AMBP: variants seen among roughly 807,000 people sequenced by gnomAD.
AMBP encodes alpha-1-microglobulin/bikunin precursor.
AMBP carries 37 observed loss-of-function variants against 46.3 expected under a neutral mutation model. The observed-to-expected ratio is 0.80, with a 90% CI of 0.61 to 1.05. The LOEUF (loss-of-function observed/expected upper bound fraction) is 1.05. Among genes scored for constraint, AMBP ranks in the 50% least tolerant of loss-of-function variants. The pLI, the probability that AMBP is intolerant of heterozygous loss-of-function variation, is 0.00. For missense variants in AMBP, 475 were observed against 461.2 expected (o/e 1.03, Z -0.27); for synonymous variants, 174 against 175.9 (o/e 0.99, Z 0.09).
intron 1 of AMBP, 151 bp from the exon 2 acceptor site, chr9:114,076,891 A>C (rs1468833339): frequency 9.7e-7 from 1 of 1,034,576 alleles, no homozygotes; most frequent in Non-Finnish European, 1.4e-6. Flanking sequence ...TCTTACAACT[A>C]ATCAGAGGCC....
intron 2 of AMBP, among the ~76,000 whole-genome samples, 191 bp from the exon 3 acceptor site, chr9:114,075,227 G>A (rs1472571070): frequency 6.6e-6 from 1 of 152,182 alleles, no homozygotes; most frequent in Non-Finnish European, 1.5e-5. Flanking sequence ...AGCCCTGAGA[G>A]ACCCCCATTT....
intron 4 of AMBP, among the ~76,000 whole-genome samples, chr9:114,073,250 C>CTT (rs140782864): frequency 6.2e-5 from 9 of 145,946 alleles, no homozygotes; most frequent in East Asian, 4.0e-4. Context: ...GACTCTTCCC[C>CTT]TTTTTTTTTT....
At position 114,060,941 on chromosome 9, in the gene AMBP, G is replaced by A. The variant is rs765085621; in HGVS notation, c.1011C>T (p.Cys337=). The A allele has an allele frequency of 2.2e-5, 36 of 1,613,904 alleles. No individual in the cohort carries two copies. The East Asian group carries it at 4.5e-4, about 20-fold the overall frequency. ...GCTGCCTACCATCACCAGGGACACC[G>A]CAGTACTCTCTGCACTCCTTCTCTG... ...FYSEKECREY[C]GVPGDGDEEL... is the part of the protein sequence containing the mutation. The change falls in exon 9 of 10, where the codon TGC becomes TGT. Residue 337 remains cysteine (C), a synonymous_variant. Coordinates refer to ENST00000265132, the MANE Select transcript of AMBP (RefSeq NM_001633.4).
At chr9:114,074,877 T>TTG in intron 3 of AMBP, 83 bp downstream of exon 3, 1 of 1,246,468 alleles carries the variant, frequency 8.0e-7, no homozygotes, top group East Asian at 2.3e-5. Context: ...GGAGGAAAGG[T>TTG]TACAGAGGCA....
intron 8 of AMBP, 108 bp downstream of exon 8, chr9:114,061,316 T>A (rs763525724): frequency 5.4e-5 from 83 of 1,543,060 alleles, no homozygotes; most frequent in Non-Finnish European, 4.4e-5. Context: ...CCTGGAGTTC[T>A]ACCACTGGAA....
chr9:114,075,996 G>A (rs1294430880), intron 2 of AMBP, among the ~76,000 whole-genome samples: 4 of 152,120 alleles, frequency 2.6e-5, no homozygotes, highest in Non-Finnish European at 5.9e-5. Context: ...CTGGGTGCTG[G>A]GAGGGTCCTG....
intron 5 of AMBP, among the ~76,000 whole-genome samples, chr9:114,070,175 C>T (rs562811012): frequency 7.0e-4 from 107 of 152,312 alleles, no homozygotes; most frequent in African/African-American, 2.5e-3. Flanking sequence ...CAGCTCAGTT[C>T]GAACCCAGGT....
chr9:114,064,462 T>C (rs1588488410), intron 6 of AMBP, among the ~76,000 whole-genome samples: 1 of 152,004 alleles, frequency 6.6e-6, no homozygotes. Context: ...AAAACAGGTA[T>C]GGGGAAAAAT....
chr9:114,065,195 C>T (rs906681537), intron 6 of AMBP, among the ~76,000 whole-genome samples: 8 of 144,390 alleles, frequency 5.5e-5, no homozygotes, highest in Non-Finnish European at 1.0e-4. Flanking sequence ...GGGGTCCTAA[C>T]CCCCCAGAAC....
chr9:114,068,545 G>A (rs987208114), intron 6 of AMBP, among the ~76,000 whole-genome samples: 16 of 151,936 alleles, frequency 1.1e-4, no homozygotes, highest in Admixed American at 2.6e-4. Context: ...GGCGGAGGTT[G>A]AAGTGAGCCA....
At chr9:114,067,183 C>T (rs993312372) in intron 6 of AMBP, among the ~76,000 whole-genome samples, 1 of 152,136 alleles carries the variant, frequency 6.6e-6, no homozygotes, top group Non-Finnish European at 1.5e-5. Flanking sequence ...TCTTGATCTG[C>T]CCGCCTCACC....
intron 1 of AMBP, 87 bp downstream of exon 1, chr9:114,078,006 G>T: frequency 7.4e-7 from 1 of 1,343,200 alleles, no homozygotes; most frequent in Non-Finnish European, 1.1e-6. Flanking sequence ...CTGAGACCCC[G>T]AGACAGGCCG....
intron 8 of AMBP, 70 bp downstream of exon 8, chr9:114,061,354 C>A (rs754303370): frequency 6.2e-7 from 1 of 1,602,254 alleles, no homozygotes; most frequent in Non-Finnish European, 8.5e-7. Flanking sequence ...CTTTTCAATT[C>A]GCAGGTGGTT....
At chr9:114,069,818 A>G (rs1846726341) in intron 5 of AMBP, 73 bp from the exon 6 acceptor site, 2 of 1,501,388 alleles carry the variant, frequency 1.3e-6, no homozygotes, top group Non-Finnish European at 1.9e-6. Context: ...CCGGATTTGT[A>G]TCTTTGGTGA....
At chr9:114,063,609 A>G (rs1445399041) in intron 6 of AMBP, among the ~76,000 whole-genome samples, 1 of 152,222 alleles carries the variant, frequency 6.6e-6, no homozygotes, top group African/African-American at 2.4e-5. Context: ...TAAATGGGAG[A>G]TATTCTGGAT....
At chr9:114,070,626 C>G (rs1002732263) in intron 5 of AMBP, among the ~76,000 whole-genome samples, 5 of 152,206 alleles carry the variant, frequency 3.3e-5, no homozygotes, top group African/African-American at 1.2e-4. Flanking sequence ...GCTGCACTTG[C>G]ACACAGAGCA....
chr9:114,064,402 T>A (rs12341428), intron 6 of AMBP, among the ~76,000 whole-genome samples: 3,293 of 152,066 alleles, frequency 0.022, 119 homozygotes, highest in African/African-American at 0.071. Context: ...ACAATTTTTT[T>A]TAAAAAAAAT....
intron 3 of AMBP, among the ~76,000 whole-genome samples, chr9:114,074,495 A>T (rs2134855582): frequency 6.6e-6 from 1 of 152,320 alleles, no homozygotes; most frequent in East Asian, 1.9e-4. Context: ...TTCAGTCACC[A>T]ATCATTTGTT....
intron 6 of AMBP, among the ~76,000 whole-genome samples, chr9:114,063,576 T>C (rs1846663530): frequency 6.6e-6 from 1 of 152,130 alleles, no homozygotes; most frequent in Non-Finnish European, 1.5e-5. Flanking sequence ...CAGAATTGGG[T>C]TGGGATGAAG....
Sources: allele counts gnomAD v4.1 joint callset (sites outside exome capture counted in the v4.1 genomes callset), GRCh38; gene constraint gnomAD v4.1.1; transcripts MANE v1.5; gene names NCBI Gene and HGNC (gene_info 2026-07-23, HGNC 2026-07-21).